Variants in NOTCH2NLR observed in about 807,000 individuals in gnomAD.
NOTCH2NLR encodes notch 2 N-terminal like R (pseudogene).
NOTCH2NLR carries 33 observed loss-of-function variants against 35.6 expected under a neutral mutation model. The observed-to-expected ratio is 0.93, with a 90% confidence interval of 0.70 to 1.24. The LOEUF (loss-of-function observed/expected upper bound fraction) is 1.24. NOTCH2NLR is among the 50% of genes most tolerant of loss of function. The pLI is 0.00. For synonymous variants in NOTCH2NLR, 103 were observed against 141.0 expected, an observed-to-expected ratio of 0.73 and a Z score of 1.91; for missense variants, 276 against 362.2, an observed-to-expected ratio of 0.76 and a Z score of 1.93.
chr1:120,752,529 TATATATATATATATATATATA>T, intron 1 of NOTCH2NLR, among the ~76,000 whole-genome samples: 1 of 13,542 alleles, frequency 7.4e-5, no homozygotes, highest in African/African-American at 4.1e-4. Flanking sequence ...AATATATATA[TATATATATATATATATATATA>T]TATATTTTTT....
rs1651503390 is a variant in NOTCH2NLR, at chr1:120,792,557, A to C, written c.416-604A>C. On this transcript the variant is annotated intron_variant, in intron 3 of 4. Transcript: ENST00000624419. ...TGCTGTGTCGCCCAGGCTGGAGTGC[A>C]GTGGTACAATCTCGGCTCACTGCAA... is the stretch of plus-strand genomic sequence containing the variant. 3.6e-5 allele frequency among the ~76,000 whole-genome samples: 4 copies of C among 110,412 alleles called. 1 individual carries two copies. The highest frequency in any genetic ancestry group is 3.5e-4 in the Admixed American group (4 of 11,422). 72.4% of individuals were successfully genotyped at this position (110,412 alleles called of 152,430 possible).
chr1:120,724,847 G>A (rs1650801031), intron 1 of NOTCH2NLR, among the ~76,000 whole-genome samples: 1 of 80,180 alleles, frequency 1.2e-5, no homozygotes, highest in Non-Finnish European at 2.3e-5. Flanking sequence ...TGTGCTGCTC[G>A]CGTCTTTGAA....
chr1:120,764,150 G>A (rs1467024238), intron 2 of NOTCH2NLR, among the ~76,000 whole-genome samples: 2 of 113,058 alleles, frequency 1.8e-5, no homozygotes, highest in Non-Finnish European at 3.4e-5. Context: ...GGGAGGCTGA[G>A]GCAGGAGAGT....
At chr1:120,777,869 C>A (rs1651316019) in intron 2 of NOTCH2NLR, among the ~76,000 whole-genome samples, 1 of 108,432 alleles carries the variant, frequency 9.2e-6, no homozygotes, top group Non-Finnish European at 1.7e-5. Flanking sequence ...CATCAGACCT[C>A]AGCCAGGAGG....
Position 120,768,604 on chromosome 1 carries a change from C to T in NOTCH2NLR, c.155+4895C>T, listed in dbSNP as rs1443161797. On this transcript the variant is annotated intron_variant, in intron 2 of 4. Transcript: ENST00000624419. ...CTGCATGAACTGGGGTGTACCTTCA[C>T]GATAAAAAAAAAAAACAAAACTGTA... Among the ~76,000 whole-genome samples, 31 of 107,782 alleles carry T rather than the reference C, an allele frequency of 2.9e-4. 5 individuals are homozygous for T. Among genetic ancestry groups the T allele is most frequent in the Non-Finnish European group, 3.8e-4 (22 of 58,492 alleles). 70.7% of individuals were successfully genotyped at this position (107,782 alleles called of 152,430 possible).
chr1:120,759,011 T>A (rs1651105422), intron 1 of NOTCH2NLR, among the ~76,000 whole-genome samples: 2 of 111,836 alleles, frequency 1.8e-5, no homozygotes, highest in African/African-American at 1.1e-4. Context: ...ATTTTATTAA[T>A]TTTTTAGCCA....
At chr1:120,745,120 CAAA>C (rs1180453854) in intron 1 of NOTCH2NLR, among the ~76,000 whole-genome samples, 1 of 36,570 alleles carries the variant, frequency 2.7e-5, no homozygotes, top group East Asian at 5.2e-4. Context: ...ATCCTGTCTC[CAAA>C]AAAAAAAAAA....
At chr1:120,724,834 G>A (rs1396675471) in intron 1 of NOTCH2NLR, among the ~76,000 whole-genome samples, 2 of 85,264 alleles carry the variant, frequency 2.3e-5, no homozygotes, top group Non-Finnish European at 4.3e-5. Context: ...CGGGGGAGCC[G>A]TGTGTGCTGC....
chr1:120,763,720 C>A lies in NOTCH2NLR; in HGVS notation c.155+11C>A. The A allele has an allele frequency of 1.7e-6, 2 of 1,204,914 alleles. No homozygotes were observed. The highest frequency in any genetic ancestry group is 2.3e-6 in the Non-Finnish European group (2 of 866,020). 74.6% of individuals were successfully genotyped at this position (1,204,914 alleles called of 1,614,324 possible). On this transcript the variant is annotated intron_variant, in intron 2 of 4. Coordinates refer to ENST00000624419, the Ensembl canonical transcript of NOTCH2NLR. ...CACAGGATACTGCAAGTAAGTTTTTCTCTTCATATATTTTCTTTTTGCGAT... is the reference window on the plus strand; with the variant it reads ...CACAGGATACTGCAAGTAAGTTTTTATCTTCATATATTTTCTTTTTGCGAT...
Position 120,745,196 on chromosome 1 carries a change from G to A in NOTCH2NLR, c.74-18432G>A, listed in dbSNP as rs1246097692. ...TAATTGCAAAGCCACATTCTTTACT[G>A]CACGCTTTAGTCCATGGTTTTTTAA... On this transcript the variant is annotated intron_variant, in intron 1 of 4. Transcript: ENST00000624419. 3.6e-5 allele frequency among the ~76,000 whole-genome samples: 4 copies of A among 109,734 alleles called. 2 individuals are homozygous for A. Among genetic ancestry groups the A allele is most frequent in the Admixed American group, 1.8e-4 (2 of 11,374 alleles). The allele number at this position is 109,734 out of a possible 152,430, so 72.0% of individuals were successfully genotyped here.
intron 3 of NOTCH2NLR, 76 bp from the exon 4 acceptor site, chr1:120,793,085 A>C: frequency 1.5e-6 from 1 of 671,106 alleles, no homozygotes; most frequent in South Asian, 1.7e-5. Context: ...GAGCTCGCTG[A>C]TGTCAATGAG....
intron 3 of NOTCH2NLR, among the ~76,000 whole-genome samples, chr1:120,790,428 A>G (rs1651474282): frequency 8.6e-6 from 1 of 116,264 alleles, no homozygotes; most frequent in Admixed American, 8.2e-5. Context: ...TCAGCTTACT[A>G]GCTCATCTCC....
intron 2 of NOTCH2NLR, among the ~76,000 whole-genome samples, chr1:120,783,028 A>T (rs1352340818): frequency 1.6e-5 from 1 of 63,874 alleles, no homozygotes; most frequent in Non-Finnish European, 2.7e-5. Context: ...CTTTTACAAC[A>T]GGGAAGTTTA....
chr1:120,764,265 T>A (rs1353551416), intron 2 of NOTCH2NLR, among the ~76,000 whole-genome samples: 82,563 of 104,430 alleles, frequency 0.79, 36,213 homozygotes, highest in African/African-American at 0.87. Context: ...ATAAAAAAAA[T>A]ATATAAAAAA....
At chr1:120,745,830 A>C (rs1439054620) in intron 1 of NOTCH2NLR, among the ~76,000 whole-genome samples, 1 of 92,440 alleles carries the variant, frequency 1.1e-5, no homozygotes, top group Non-Finnish European at 2.0e-5. Context: ...AAAAAAAAAA[A>C]AAAAACAAGG....
chr1:120,759,581 G>A lies in NOTCH2NLR; in HGVS notation c.74-4047G>A, dbSNP rs1651112083. Among the ~76,000 whole-genome samples the A allele has an allele frequency of 4.1e-5, 4 of 97,982 alleles. 1 individual carries two copies. The highest frequency in any genetic ancestry group is 5.8e-4 in the South Asian group (2 of 3,442). 64.3% of individuals were successfully genotyped at this position (97,982 alleles called of 152,430 possible). On this transcript the variant is annotated intron_variant, in intron 1 of 4. Coordinates refer to ENST00000624419, the Ensembl canonical transcript of NOTCH2NLR. The stretch of plus-strand genomic sequence containing the variant: ...TGAATTTTGAAATGAGGTCTGTCCC[G>A]GTCTCACTTTCATGGCTTCAGGTTA...
At chr1:120,732,417 AC>A in intron 1 of NOTCH2NLR, among the ~76,000 whole-genome samples, 1 of 106,772 alleles carries the variant, frequency 9.4e-6, no homozygotes, top group East Asian at 2.2e-4. Context: ...ATGAATAATC[AC>A]AAAACTAGAT....
chr1:120,793,282 T>A lies in NOTCH2NLR; in HGVS notation c.537T>A (p.Cys179Ter). 7.2e-7 allele frequency: 1 copy of A among 1,392,576 alleles called. No homozygotes were observed. The highest frequency in any genetic ancestry group is 2.8e-5 in the African/African-American group (1 of 36,044). 86.3% of individuals were successfully genotyped at this position (1,392,576 alleles called of 1,614,324 possible). The change falls in exon 4 of 5, where the codon TGT becomes TGA. Residue 179 changes from cysteine (C) to a stop codon, truncating the protein, a stop_gained. Transcript: ENST00000624419. LOFTEE classifies it high-confidence loss of function. ...TCACAGGCTTCACAGGGCAGAAGTG[T>A]GAGACTGATGTCAATGAGTGTGACA...
chr1:120,784,161 A>G lies in NOTCH2NLR; in HGVS notation c.156-813A>G, dbSNP rs1162733810. Among the ~76,000 whole-genome samples, 2 of 118,100 alleles carry G rather than the reference A, an allele frequency of 1.7e-5. 1 individual carries two copies. The highest frequency in any genetic ancestry group is 3.3e-5 in the Non-Finnish European group (2 of 61,040). The allele number at this position is 118,100 out of a possible 152,430, so 77.5% of individuals were successfully genotyped here. A position where few individuals can be genotyped will look rare whatever the true frequency, so the allele number is the denominator to read the frequency against. Reference sequence around the variant, plus strand: ...CTTGTATATCTTCTAAGGTAAAAGTAAAGAACTAAGCTGATGTCCAGCCCT... The same window carrying G: ...CTTGTATATCTTCTAAGGTAAAAGTGAAGAACTAAGCTGATGTCCAGCCCT... On this transcript the variant is annotated intron_variant, in intron 2 of 4. Transcript: ENST00000624419.
Sources: allele counts gnomAD v4.1 joint callset (sites outside exome capture counted in the v4.1 genomes callset), GRCh38; gene constraint gnomAD v4.1.1; transcripts MANE v1.5; gene names NCBI Gene and HGNC (gene_info 2026-07-23, HGNC 2026-07-21).